Variants in FAM120B observed in about 807,000 individuals in gnomAD.
FAM120B encodes the protein constitutive coactivator of peroxisome proliferator-activated receptor gamma.
FAM120B carries 83 observed loss-of-function variants against 96.3 expected under a neutral mutation model. That is an observed-to-expected ratio of 0.86 (90% confidence interval 0.72 to 1.03). The LOEUF (loss-of-function observed/expected upper bound fraction) is 1.03. Among genes scored for constraint, FAM120B ranks in the 50% least tolerant of loss-of-function variants. The pLI is 0.00. For missense variants in FAM120B, 1,027 were observed against 1,121.2 expected (o/e 0.92, Z 1.20); for synonymous variants, 407 against 402.7 (o/e 1.01, Z -0.13).
At chr6:170,328,035 A>T (rs904399409) in intron 3 of FAM120B, among the ~76,000 whole-genome samples, 4 of 152,196 alleles carry the variant, frequency 2.6e-5, no homozygotes, top group Non-Finnish European at 4.4e-5. Context: ...ACATTCAAAA[A>T]ATATTTCTTT....
In FAM120B at chr6:170,298,993, C is replaced by A. The variant is rs527407100; in HGVS notation, c.48+3540C>A. 1.1e-4 allele frequency among the ~76,000 whole-genome samples: 16 copies of A among 152,346 alleles called. No homozygotes were observed. The East Asian group carries it at 2.9e-3, about 28-fold the overall frequency. On this transcript the variant is annotated intron_variant, in intron 1 of 10. Coordinates refer to the FAM120B transcript ENST00000537664. Reference sequence around the variant, plus strand: ...ACTGGCTTGTTCACTCCTGACTCATCACAGGGGCTGAGGACCCAAAGTGGA... The same window carrying A: ...ACTGGCTTGTTCACTCCTGACTCATAACAGGGGCTGAGGACCCAAAGTGGA...
At chr6:170,347,321 A>C (rs1415162905) in intron 4 of FAM120B, among the ~76,000 whole-genome samples, 4 of 152,216 alleles carry the variant, frequency 2.6e-5, no homozygotes, top group African/African-American at 9.6e-5. Context: ...ACATCTCAGC[A>C]GTCACAGATT....
intron 1 of FAM120B, among the ~76,000 whole-genome samples, chr6:170,312,778 G>A (rs1451318778): frequency 6.6e-6 from 1 of 152,218 alleles, no homozygotes; most frequent in African/African-American, 2.4e-5. Flanking sequence ...CAGTGAAGGA[G>A]AGAGATCTGG....
intron 2 of FAM120B, among the ~76,000 whole-genome samples, chr6:170,319,871 G>T (rs1282565311): frequency 6.6e-6 from 1 of 152,236 alleles, no homozygotes; most frequent in Admixed American, 6.5e-5. Flanking sequence ...ATGGGAAAAG[G>T]TGGACAATCA....
At chr6:170,359,005 G>A (rs941059220) in intron 6 of FAM120B, among the ~76,000 whole-genome samples, 2 of 152,140 alleles carry the variant, frequency 1.3e-5, no homozygotes, top group East Asian at 3.8e-4. Flanking sequence ...CCATCTGATC[G>A]TGGTTATTGG....
chr6:170,348,207 C>G lies in FAM120B; in HGVS notation c.2074C>G (p.Arg692Gly), dbSNP rs760003891. ...WLNQEPEIQVRRLDTLLACFN... is the reference protein window; with the variant it reads ...WLNQEPEIQVGRLDTLLACFN... ...GAACCAAGAGCCAGAAATACAGGTT[C>G]GGCGCTTGGACACACTCCTAGCCTG... Residue 692 changes from arginine to glycine, a missense_variant, in exon 5 of 11, where the codon CGG becomes GGG. Physicochemically the swap from Arg to Gly is moderately radical, Grantham distance 125 (BLOSUM62 -2). Around this residue, in one of 3 missense-constraint regions of FAM120B, gnomAD observed 880 missense variants for 980.9 expected, o/e 0.90. Coordinates refer to ENST00000476287, the MANE Select transcript of FAM120B (RefSeq NM_032448.3). 18 of 1,613,892 alleles carry G rather than the reference C, an allele frequency of 1.1e-5. No individual in the cohort carries two copies. The highest frequency in any genetic ancestry group is 1.5e-5 in the Non-Finnish European group (18 of 1,179,962).
intron 6 of FAM120B, among the ~76,000 whole-genome samples, chr6:170,369,045 G>A (rs936090053): frequency 2.2e-4 from 33 of 151,676 alleles, no homozygotes; most frequent in Non-Finnish European, 3.5e-4. Flanking sequence ...GTATTTGCCC[G>A]TAGCAGTAGA....
chr6:170,306,057 C>A (rs1290185959), upstream of FAM120B, among the ~76,000 whole-genome samples: 2 of 152,346 alleles, frequency 1.3e-5, no homozygotes, highest in Admixed American at 1.3e-4. Context: ...TCTGCCTTTC[C>A]TCTCTCTCCT....
intron 1 of FAM120B, among the ~76,000 whole-genome samples, chr6:170,297,184 C>T (rs3823300): frequency 0.11 from 17,388 of 152,254 alleles, 1,324 homozygotes; most frequent in East Asian, 0.31. Flanking sequence ...TGGCCGTGGG[C>T]GTGTGCGGCT....
intron 6 of FAM120B, among the ~76,000 whole-genome samples, chr6:170,386,788 A>G (rs1790212632): frequency 6.6e-6 from 1 of 152,232 alleles, no homozygotes; most frequent in African/African-American, 2.4e-5. Context: ...TCTAACAAAG[A>G]CATCACAAGA....
chr6:170,369,526 G>C (rs141480368), intron 6 of FAM120B, among the ~76,000 whole-genome samples: 19 of 152,166 alleles, frequency 1.2e-4, no homozygotes, highest in African/African-American at 4.6e-4. Flanking sequence ...AGAGAATTCC[G>C]AGTCCAGTTT....
At chr6:170,384,224 A>G (rs1310451205) in intron 6 of FAM120B, among the ~76,000 whole-genome samples, 1 of 152,210 alleles carries the variant, frequency 6.6e-6, no homozygotes. Flanking sequence ...GAAATTGCCT[A>G]GAACCTGAAT....
intron 4 of FAM120B, among the ~76,000 whole-genome samples, chr6:170,343,843 G>T (rs1786997281): frequency 6.6e-6 from 1 of 152,130 alleles, no homozygotes; most frequent in Non-Finnish European, 1.5e-5. Context: ...TCCATAAGTT[G>T]TTTACCAGCT....
rs1338666092 is a variant in FAM120B, at chr6:170,406,538, AT to A, written c.*1790del. 1 of 152,146 alleles carries A rather than the reference AT, an allele frequency of 6.6e-6. No homozygotes were observed. The highest frequency in any genetic ancestry group is 2.4e-5 in the African/African-American group (1 of 41,438). 9.4% of individuals were successfully genotyped at this position (152,146 alleles called of 1,614,324 possible). ...TCTCTAGGTATCTTATTACATTTGT[AT>A]TTCTTACATTTGAAATATCCTAACC... On this transcript the variant is annotated 3_prime_UTR_variant, in exon 11 of 11. Transcript: ENST00000476287.
intron 3 of FAM120B, among the ~76,000 whole-genome samples, chr6:170,327,279 C>T (rs1785656798): frequency 1.3e-5 from 2 of 152,046 alleles, no homozygotes; most frequent in Non-Finnish European, 1.5e-5. Context: ...ATCTCCTGAC[C>T]TTGTGATCCG....
intron 6 of FAM120B, among the ~76,000 whole-genome samples, chr6:170,375,341 A>G (rs1239491024): frequency 6.6e-6 from 1 of 152,226 alleles, no homozygotes; most frequent in Non-Finnish European, 1.5e-5. Flanking sequence ...GACTGTTGGC[A>G]AAACACAGTT....
Position 170,295,367 on chromosome 6 carries a change from G to A in FAM120B, c.-39G>A, listed in dbSNP as rs1282660937. ...TTACAAGCCCACGAAGCCATCGTTC[G>A]TCACAGCCTGGAAAAGGGAGGGGGC... On this transcript the variant is annotated 5_prime_UTR_variant, in exon 1 of 11. Transcript: ENST00000537664. This position sits in a 1 kb window ranked among gnomAD's most constrained non-coding sequence, Gnocchi z 7.8. 1 of 700,058 alleles carries A rather than the reference G, an allele frequency of 1.4e-6. No homozygotes were observed. The allele number at this position is 700,058 out of a possible 1,614,324, so 43.4% of individuals were successfully genotyped here.
intron 4 of FAM120B, among the ~76,000 whole-genome samples, chr6:170,343,566 A>G (rs1786979601): frequency 6.6e-6 from 1 of 152,092 alleles, no homozygotes; most frequent in South Asian, 2.1e-4. Flanking sequence ...TTATATCATT[A>G]GAACTCCTCA....
chr6:170,308,834 A>G lies in FAM120B; in HGVS notation c.-22+1992A>G, dbSNP rs539310158. On this transcript the variant is annotated intron_variant, in intron 1 of 10. Coordinates refer to ENST00000476287, the MANE Select transcript of FAM120B (RefSeq NM_032448.3). Reference sequence around the variant, plus strand: ...GTGCTTTTTATTTAGGCCTGGAGAAACAAAATGTGAATGAATGGAACTGAT... The same window carrying G: ...GTGCTTTTTATTTAGGCCTGGAGAAGCAAAATGTGAATGAATGGAACTGAT... Among the ~76,000 whole-genome samples, 4 of 152,262 alleles carry G rather than the reference A, an allele frequency of 2.6e-5. No homozygotes were observed. The South Asian group carries it at 6.2e-4, about 24-fold the overall frequency.
Sources: allele counts gnomAD v4.1 joint callset (sites outside exome capture counted in the v4.1 genomes callset), GRCh38; gene constraint gnomAD v4.1.1; regional missense constraint gnomAD v4.1.1; non-coding constraint Gnocchi (gnomAD v3.1); transcripts MANE v1.5; gene names NCBI Gene and HGNC (gene_info 2026-07-23, HGNC 2026-07-21).